AHRR: variants seen among roughly 807,000 people sequenced by gnomAD.
AHRR encodes the protein aryl hydrocarbon receptor repressor, also known as ahR repressor.
A neutral mutation model predicts 44.0 loss-of-function variants in AHRR; 28 were observed. The observed-to-expected ratio is 0.64, with a 90% confidence interval of 0.47 to 0.87. The LOEUF (loss-of-function observed/expected upper bound fraction) is 0.87, where lower values mean the gene tolerates loss of function less well. AHRR is among the 40% of genes least tolerant of loss of function. The pLI is 0.00. For synonymous variants in AHRR, 434 were observed against 407.0 expected (o/e 1.07, Z -0.80); for missense variants, 990 against 953.9 (o/e 1.04, Z -0.50).
chr5:426,847 AGATGGATGGATGGGTGGATG>A (rs1736428211), intron 7 of AHRR, among the ~76,000 whole-genome samples: 2 of 123,456 alleles, frequency 1.6e-5, no homozygotes, highest in East Asian at 2.9e-4. Context: ...AAACATGGAT[AGATGGATGGATGGGTGGATG>A]GATGGATGGA....
At chr5:340,689 T>TATATA (rs1491423678) in intron 1 of AHRR, among the ~76,000 whole-genome samples, 2 of 17,414 alleles carry the variant, frequency 1.1e-4, no homozygotes, top group African/African-American at 5.1e-4. Flanking sequence ...TATATATATA[T>TATATA]TTTTTTTTTT....
intron 3 of AHRR, among the ~76,000 whole-genome samples, chr5:374,940 G>A (rs1478741714): frequency 6.6e-6 from 1 of 152,230 alleles, no homozygotes; most frequent in African/African-American, 2.4e-5. Context: ...ACGGCCTGGG[G>A]ACACCACAGA....
At chr5:386,853 G>A (rs920117769) in intron 4 of AHRR, among the ~76,000 whole-genome samples, 2 of 151,774 alleles carry the variant, frequency 1.3e-5, no homozygotes, top group Non-Finnish European at 2.9e-5. Flanking sequence ...TGTGCCCTGA[G>A]GCTCTGGGTC....
rs55929716 is a variant in AHRR, at chr5:362,065, G to A, written c.244+8154G>A. 6.0e-3 allele frequency among the ~76,000 whole-genome samples: 920 copies of A among 152,256 alleles called. 8 individuals are homozygous for A. Among genetic ancestry groups the A allele is most frequent in the African/African-American group, 0.021 (853 of 41,530 alleles). On this transcript the variant is annotated intron_variant, in intron 3 of 10. Coordinates refer to ENST00000684583, the MANE Select transcript of AHRR (RefSeq NM_001377236.1). ...CCTAGTTTGGCTGTATTTGGAGAAG[G>A]GGCCTCTAAGGAAGTTAAGTTTAAG...
intron 2 of AHRR, among the ~76,000 whole-genome samples, chr5:353,341 G>A (rs1742924730): frequency 6.6e-6 from 1 of 152,204 alleles, no homozygotes; most frequent in Admixed American, 6.5e-5. Context: ...AATGAATGTG[G>A]CATTTTCTAT....
At chr5:378,284 C>G (rs1184632810) in intron 4 of AHRR, among the ~76,000 whole-genome samples, 1 of 152,208 alleles carries the variant, frequency 6.6e-6, no homozygotes, top group Non-Finnish European at 1.5e-5. Context: ...GCAGGGCACC[C>G]TAAATCCATA....
intron 5 of AHRR, among the ~76,000 whole-genome samples, chr5:418,350 G>T (rs1273079850): frequency 6.6e-6 from 1 of 152,118 alleles, no homozygotes; most frequent in Non-Finnish European, 1.5e-5. Context: ...AAAGACTTAG[G>T]GCAGACATGC....
chr5:391,434 G>A (rs1336393915), intron 4 of AHRR, among the ~76,000 whole-genome samples: 4 of 113,238 alleles, frequency 3.5e-5, no homozygotes, highest in Non-Finnish European at 6.8e-5. Flanking sequence ...GGGGCAGGGC[G>A]AGGCGGGCGC....
intron 5 of AHRR, 122 bp downstream of exon 5, chr5:413,555 T>G: frequency 1.4e-6 from 1 of 726,050 alleles, no homozygotes; most frequent in Non-Finnish European, 2.3e-6. Flanking sequence ...CACTGAGCTC[T>G]TATCAGATAA....
intron 5 of AHRR, chr5:420,996 C>T (rs530934006): frequency 2.4e-6 from 1 of 413,072 alleles, no homozygotes; most frequent in Non-Finnish European, 4.4e-6. Context: ...CACGATGGTT[C>T]TTCTTATGGT....
At chr5:432,545 C>T (rs1223802242) in intron 9 of AHRR, 21 bp downstream of exon 9, 2 of 1,609,838 alleles carry the variant, frequency 1.2e-6, no homozygotes, top group Non-Finnish European at 1.7e-6. Context: ...CATTTCTTAT[C>T]TGATCTTTTC....
At chr5:413,257 G>A in intron 4 of AHRR, 87 bp from the exon 5 acceptor site, 1 of 949,550 alleles carries the variant, frequency 1.1e-6, no homozygotes, top group Non-Finnish European at 1.6e-6. Context: ...GGAGGAAATT[G>A]TTGAAAATTT....
At chr5:402,244 G>A (rs1331217788) in intron 4 of AHRR, among the ~76,000 whole-genome samples, 1 of 152,244 alleles carries the variant, frequency 6.6e-6, no homozygotes, top group African/African-American at 2.4e-5. Context: ...CCGTCAGCGA[G>A]CTCCTCTCAC....
chr5:394,997 G>C (rs1025097471), intron 4 of AHRR, among the ~76,000 whole-genome samples: 3 of 152,218 alleles, frequency 2.0e-5, no homozygotes, highest in Non-Finnish European at 4.4e-5. Context: ...CCAGCCTCCT[G>C]CTGTCGCCCC....
At chr5:325,627 C>T (rs571070026) in intron 1 of AHRR, among the ~76,000 whole-genome samples, 81 of 152,244 alleles carry the variant, frequency 5.3e-4, no homozygotes, top group African/African-American at 1.8e-3. Context: ...AGCATCCGTC[C>T]CACCCTCCGC....
chr5:433,758 C>T, intron 10 of AHRR, 95 bp from the exon 11 acceptor site: 9 of 1,326,124 alleles, frequency 6.8e-6, no homozygotes, highest in Non-Finnish European at 8.9e-6. Flanking sequence ...TTAGCATCGT[C>T]CTGATTTCGT....
At chr5:353,279 C>A (rs1742922948) in intron 2 of AHRR, among the ~76,000 whole-genome samples, 1 of 152,174 alleles carries the variant, frequency 6.6e-6, no homozygotes, top group South Asian at 2.1e-4. Flanking sequence ...TTCATGTTTC[C>A]TGGAATGTGT....
At position 395,011 on chromosome 5, in the gene AHRR, G is replaced by C. The variant is rs149610907; in HGVS notation, c.351+18295G>C. Among the ~76,000 whole-genome samples the C allele has an allele frequency of 0.012, 1,759 of 152,336 alleles. 29 individuals carry two copies. Among genetic ancestry groups the C allele is most frequent in the African/African-American group, 0.04 (1,663 of 41,578 alleles). On this transcript the variant is annotated intron_variant, in intron 4 of 10. Transcript: ENST00000684583. This position sits in a 1 kb window ranked among gnomAD's most constrained non-coding sequence, Gnocchi z 5.3. ...CCCAGCCTCCTGCTGTCGCCCCCCA[G>C]GCAGGGCTGTCTCGAGGCATCTTGG...
chr5:353,656 AGGAC>A, intron 2 of AHRR, 70 bp from the exon 3 acceptor site: 1 of 1,431,132 alleles, frequency 7.0e-7, no homozygotes, highest in Admixed American at 2.0e-5. Context: ...GTCACTGCAG[AGGAC>A]GGTTTCCGCC....
Sources: allele counts gnomAD v4.1 joint callset (sites outside exome capture counted in the v4.1 genomes callset), GRCh38; gene constraint gnomAD v4.1.1; non-coding constraint Gnocchi (gnomAD v3.1); transcripts MANE v1.5; gene names NCBI Gene and HGNC (gene_info 2026-07-23, HGNC 2026-07-21).